The following DAB1 variants were observed in gnomAD, a reference collection of about 807,000 sequenced individuals.
The protein encoded by DAB1 is DAB adaptor protein 1, also known as disabled homolog 1.
DAB1 carries 15 observed loss-of-function variants against 64.6 expected under a neutral mutation model. That is an observed-to-expected ratio of 0.23 (90% CI 0.16 to 0.36). DAB1 has a LOEUF of 0.36. Ranked by LOEUF, DAB1 falls within the 10% of genes least tolerant of loss-of-function variation. The pLI is 1.00. For synonymous variants in DAB1, 235 were observed against 251.9 expected, an observed-to-expected ratio of 0.93 and a Z score of 0.64; for missense variants, 596 against 706.7, an observed-to-expected ratio of 0.84 and a Z score of 1.78.
intron 4 of DAB1, among the ~76,000 whole-genome samples, chr1:58,155,046 A>T (rs1324786880): frequency 6.6e-6 from 1 of 152,184 alleles, no homozygotes; most frequent in East Asian, 1.9e-4. Flanking sequence ...AAAAAAGGGC[A>T]CTACTCAGCC....
intron 4 of DAB1, among the ~76,000 whole-genome samples, chr1:57,098,202 A>G (rs116433836): frequency 0.016 from 2,440 of 152,344 alleles, 77 homozygotes; most frequent in African/African-American, 0.056. Context: ...AAATAAATAT[A>G]GCTTCTCTCA....
intron 5 of DAB1, among the ~76,000 whole-genome samples, chr1:58,037,641 C>A (rs777637372): frequency 2.6e-5 from 4 of 152,188 alleles, no homozygotes; most frequent in Non-Finnish European, 5.9e-5. Context: ...CTTCCACCCC[C>A]ACCCTGCTCC....
chr1:57,806,811 C>G (rs557336735), intron 6 of DAB1, among the ~76,000 whole-genome samples: 1 of 152,278 alleles, frequency 6.6e-6, no homozygotes, highest in Admixed American at 6.5e-5. Context: ...AACACATTCC[C>G]TAATACGTCC....
rs561681688 is a variant in DAB1 at position 58,216,715 on chromosome 1, C to T, written n.310-66127G>A. The stretch of plus-strand genomic sequence containing the variant: ...TGTTGTTTCCTGACTTTTTAATGAT[C>T]GCCATTCTAACTGGCATGAGATGGT... On this transcript the variant is annotated intron_variant and non_coding_transcript_variant, in intron 4 of 20. Transcript: ENST00000485760. Among the ~76,000 whole-genome samples, 8 of 152,232 alleles carry T rather than the reference C, an allele frequency of 5.3e-5. No homozygotes were observed. In the South Asian group the frequency reaches 6.2e-4, roughly 12 times the overall value.
intron 5 of DAB1, among the ~76,000 whole-genome samples, chr1:57,939,863 C>T (rs1047592346): frequency 2.4e-4 from 36 of 152,168 alleles, no homozygotes; most frequent in African/African-American, 8.7e-4. Context: ...GTATTCTTAC[C>T]ACTGCTCTGT....
intron 6 of DAB1, among the ~76,000 whole-genome samples, chr1:57,694,254 A>T (rs1012650014): frequency 2.0e-5 from 3 of 152,202 alleles, no homozygotes; most frequent in African/African-American, 4.8e-5. Context: ...AAATGCTATC[A>T]ATGCTGGATG....
intron 3 of DAB1, among the ~76,000 whole-genome samples, chr1:58,452,053 C>T (rs369667494): frequency 3.4e-4 from 52 of 152,070 alleles, no homozygotes; most frequent in African/African-American, 1.2e-3. Context: ...TTGCCTTAGC[C>T]TCCTGAGTGG....
chr1:58,218,989 T>TTCTCTC lies in DAB1; in HGVS notation n.310-68407_310-68402dup, dbSNP rs1049058578. ...GAGTAATCCCCCATAATTCTGGCCA[T>TTCTCTC]TCTCTCTCTCTCTCTCTCTCTCTCT... On this transcript the variant is annotated intron_variant and non_coding_transcript_variant, in intron 4 of 20. Coordinates refer to the DAB1 transcript ENST00000485760. 5.4e-3 allele frequency among the ~76,000 whole-genome samples: 681 copies of TTCTCTC among 125,872 alleles called. 11 individuals are homozygous for TTCTCTC. Among genetic ancestry groups the TTCTCTC allele is most frequent in the African/African-American group, 0.017 (516 of 30,096 alleles). 82.6% of individuals were successfully genotyped at this position (125,872 alleles called of 152,430 possible).
intron 1 of DAB1, among the ~76,000 whole-genome samples, chr1:57,319,905 G>T (rs931689204): frequency 6.6e-6 from 1 of 152,176 alleles, no homozygotes; most frequent in African/African-American, 2.4e-5. Context: ...TTCTATGAAG[G>T]TGTGATACTT....
At chr1:58,539,205 T>C (rs772496911) in intron 1 of DAB1, 2 of 872,914 alleles carry the variant, frequency 2.3e-6, no homozygotes, top group Non-Finnish European at 4.0e-6. Flanking sequence ...TGGATGCTAA[T>C]GTGTTACATT....
chr1:57,351,687 C>T (rs1678601826), intron 1 of DAB1, among the ~76,000 whole-genome samples: 1 of 152,000 alleles, frequency 6.6e-6, no homozygotes, highest in African/African-American at 2.4e-5. Context: ...TGTGCGCATA[C>T]ACATCTTTCA....
chr1:57,811,624 T>C (rs533906652), intron 6 of DAB1, among the ~76,000 whole-genome samples: 3 of 152,334 alleles, frequency 2.0e-5, no homozygotes, highest in South Asian at 2.1e-4. Context: ...TGCAGTAACA[T>C]TCACAAGGTT....
chr1:57,816,284 A>AT (rs1557496611), intron 6 of DAB1, among the ~76,000 whole-genome samples: 1 of 152,188 alleles, frequency 6.6e-6, no homozygotes, highest in African/African-American at 2.4e-5. Context: ...CCATCTCACT[A>AT]TGCCATGCAG....
chr1:58,323,734 G>A (rs1229523725), intron 4 of DAB1, among the ~76,000 whole-genome samples: 1 of 151,972 alleles, frequency 6.6e-6, no homozygotes, highest in Non-Finnish European at 1.5e-5. Context: ...GACCATCCTG[G>A]CTAACACGGT....
intron 4 of DAB1, among the ~76,000 whole-genome samples, chr1:58,318,107 T>A (rs1376139508): frequency 6.6e-6 from 1 of 152,198 alleles, no homozygotes. Flanking sequence ...TATGGCCTAA[T>A]GCTAGATTGT....
intron 1 of DAB1, among the ~76,000 whole-genome samples, chr1:57,298,237 G>A (rs1673359851): frequency 6.6e-6 from 1 of 152,066 alleles, no homozygotes; most frequent in African/African-American, 2.4e-5. Context: ...AAGACAATAG[G>A]AAAATGTAAG....
intron 4 of DAB1, among the ~76,000 whole-genome samples, chr1:58,329,998 C>G (rs1200967513): frequency 6.6e-6 from 1 of 152,078 alleles, no homozygotes; most frequent in Admixed American, 6.5e-5. Flanking sequence ...CACTTTAAAT[C>G]AAAAGCTGGA....
intron 4 of DAB1, among the ~76,000 whole-genome samples, chr1:58,225,956 T>TAA (rs5774402): frequency 7.9e-4 from 104 of 130,902 alleles, no homozygotes; most frequent in African/African-American, 2.6e-3. Flanking sequence ...AACTTAGTAT[T>TAA]AAAAAAAAAA....
intron 5 of DAB1, among the ~76,000 whole-genome samples, chr1:58,011,942 C>T (rs185772302): frequency 2.4e-4 from 37 of 152,286 alleles, no homozygotes; most frequent in African/African-American, 7.5e-4. Flanking sequence ...CCACCTGCCT[C>T]GGCCTCCCAA....
Sources: allele counts gnomAD v4.1 joint callset (sites outside exome capture counted in the v4.1 genomes callset), GRCh38; gene constraint gnomAD v4.1.1; transcripts MANE v1.5; gene names NCBI Gene and HGNC (gene_info 2026-07-23, HGNC 2026-07-21).